Variants in NUBPL observed in about 807,000 individuals in gnomAD.
NUBPL encodes the protein iron-sulfur cluster transfer protein NUBPL.
Under a neutral mutation model 45.7 loss-of-function variants are expected in NUBPL, and 31 were observed. The observed-to-expected ratio is 0.68, with a 90% CI of 0.51 to 0.92. NUBPL has a LOEUF of 0.92. Ranked by LOEUF, NUBPL falls within the 40% of genes least tolerant of loss-of-function variation. The pLI is 0.00. For synonymous variants in NUBPL, 144 were observed against 140.9 expected (o/e 1.02, Z -0.15); for missense variants, 401 against 398.7 (o/e 1.01, Z -0.05).
At chr14:31,651,144 G>GT (rs1277317741) in intron 4 of NUBPL, among the ~76,000 whole-genome samples, 4 of 151,152 alleles carry the variant, frequency 2.6e-5, no homozygotes, top group Non-Finnish European at 3.0e-5. Flanking sequence ...ATTTTTTTTT[G>GT]TTTTTTGAGA....
At chr14:31,659,874 G>A (rs1043984218) in intron 4 of NUBPL, among the ~76,000 whole-genome samples, 21 of 152,096 alleles carry the variant, frequency 1.4e-4, no homozygotes, top group African/African-American at 4.6e-4. Context: ...TGGAAAAGAG[G>A]GGCATTTTTT....
intron 7 of NUBPL, among the ~76,000 whole-genome samples, chr14:31,825,635 C>G (rs2040085522): frequency 1.1e-5 from 1 of 94,560 alleles, no homozygotes; most frequent in Non-Finnish European, 2.0e-5. Flanking sequence ...TCCTCCTCCT[C>G]CCCTCTTTCT....
chr14:31,675,774 T>C (rs951947176), intron 6 of NUBPL, among the ~76,000 whole-genome samples: 2 of 152,208 alleles, frequency 1.3e-5, no homozygotes, highest in African/African-American at 2.4e-5. Context: ...GACAATACTT[T>C]GTTGAGCTAA....
At chr14:31,835,047 A>G (rs1210175112) in intron 8 of NUBPL, among the ~76,000 whole-genome samples, 1 of 152,140 alleles carries the variant, frequency 6.6e-6, no homozygotes, top group Non-Finnish European at 1.5e-5. Context: ...AAACTGGTGG[A>G]TTGAAAATGG....
chr14:31,653,360 G>A (rs2036058661), intron 4 of NUBPL, among the ~76,000 whole-genome samples: 2 of 152,138 alleles, frequency 1.3e-5, no homozygotes, highest in African/African-American at 2.4e-5. Flanking sequence ...TATCTCAACT[G>A]CATAAGACAG....
In NUBPL at chr14:31,673,451, C is replaced by T. The variant is rs759920548; in HGVS notation, c.423-33C>T. The stretch of plus-strand genomic sequence containing the variant: ...TCAGAATAATGTTGATTAATTTATA[C>T]AAATTAGTTGTATTTTTATGTTACT... On this transcript the variant is annotated intron_variant, in intron 5 of 10. Transcript: ENST00000281081. 4.4e-6 allele frequency: 7 copies of T among 1,601,184 alleles called. No homozygotes were observed. In the Admixed American group the frequency reaches 1.2e-4, roughly 27 times the overall value.
At chr14:31,758,115 T>C (rs2038713231) in intron 6 of NUBPL, among the ~76,000 whole-genome samples, 1 of 152,174 alleles carries the variant, frequency 6.6e-6, no homozygotes, top group South Asian at 2.1e-4. Flanking sequence ...TGTCTCCTTT[T>C]ATATTTATTG....
chr14:31,639,829 A>C (rs2035628481), intron 4 of NUBPL, among the ~76,000 whole-genome samples: 1 of 152,022 alleles, frequency 6.6e-6, no homozygotes, highest in South Asian at 2.1e-4. Context: ...TTGCAGTTTG[A>C]TCTCAGACTG....
chr14:31,628,775 G>T (rs936412816), intron 4 of NUBPL, among the ~76,000 whole-genome samples: 13 of 152,270 alleles, frequency 8.5e-5, no homozygotes, highest in Admixed American at 7.8e-4. Flanking sequence ...TGCTTGCTGT[G>T]TACTTCCCAT....
chr14:31,682,252 C>G (rs186623396), intron 6 of NUBPL, among the ~76,000 whole-genome samples: 2 of 151,830 alleles, frequency 1.3e-5, no homozygotes, highest in Non-Finnish European at 2.9e-5. Flanking sequence ...GTGAATTTGC[C>G]CTTTTGTTGT....
At chr14:31,677,159 A>G (rs544957633) in intron 6 of NUBPL, among the ~76,000 whole-genome samples, 1 of 152,162 alleles carries the variant, frequency 6.6e-6, no homozygotes, top group Non-Finnish European at 1.5e-5. Flanking sequence ...CATCCCCTCA[A>G]GCATTTATCC....
intron 6 of NUBPL, among the ~76,000 whole-genome samples, chr14:31,705,436 CAGAGAGCTGATTGGTCCATTTTAT>C (rs902135940): frequency 1.3e-5 from 2 of 151,800 alleles, no homozygotes; most frequent in East Asian, 1.9e-4. Context: ...GTCCATTTTA[CAGAGAGCTGATTGGTCCATTTTAT>C]AGAGAGCTGA....
intron 6 of NUBPL, among the ~76,000 whole-genome samples, chr14:31,756,298 T>C (rs1275525734): frequency 1.3e-5 from 2 of 152,034 alleles, no homozygotes; most frequent in East Asian, 1.9e-4. Context: ...GGCAGTATGG[T>C]CATTTTCACG....
chr14:31,813,816 G>A (rs998958549), intron 7 of NUBPL, among the ~76,000 whole-genome samples: 4 of 152,098 alleles, frequency 2.6e-5, no homozygotes, highest in African/African-American at 9.7e-5. Context: ...TTAGTTTGCT[G>A]AAAATGATGA....
chr14:31,733,393 C>T (rs933503957), intron 6 of NUBPL, among the ~76,000 whole-genome samples: 1 of 152,082 alleles, frequency 6.6e-6, no homozygotes. Flanking sequence ...TAGGATTTTG[C>T]TAGGGATAAT....
chr14:31,572,299 C>G (rs777722983), intron 3 of NUBPL, among the ~76,000 whole-genome samples: 2 of 152,008 alleles, frequency 1.3e-5, no homozygotes, highest in African/African-American at 2.4e-5. Context: ...GCCACCACAC[C>G]CATCTAATTT....
intron 3 of NUBPL, among the ~76,000 whole-genome samples, chr14:31,597,874 C>A (rs938360660): frequency 2.0e-5 from 3 of 151,502 alleles, no homozygotes; most frequent in African/African-American, 7.3e-5. Context: ...AGATTTAGGT[C>A]CCCTCATTTG....
intron 7 of NUBPL, among the ~76,000 whole-genome samples, chr14:31,820,539 TG>T (rs2039999554): frequency 6.6e-6 from 1 of 152,228 alleles, no homozygotes; most frequent in South Asian, 2.1e-4. Flanking sequence ...TTTAAAAATC[TG>T]GGGCCGTGTG....
At chr14:31,772,667 C>T (rs11156707) in intron 6 of NUBPL, among the ~76,000 whole-genome samples, 50,293 of 151,970 alleles carry the variant, frequency 0.33, 8,590 homozygotes, top group South Asian at 0.41. Context: ...ATAACAAGAC[C>T]TCTGTGAGTT....
Sources: allele counts gnomAD v4.1 joint callset (sites outside exome capture counted in the v4.1 genomes callset), GRCh38; gene constraint gnomAD v4.1.1; transcripts MANE v1.5; gene names NCBI Gene and HGNC (gene_info 2026-07-23, HGNC 2026-07-21).